DENND5B: variants seen among roughly 807,000 people sequenced by gnomAD.
DENND5B encodes DENN domain-containing protein 5B.
Under a neutral mutation model 140.6 loss-of-function variants are expected in DENND5B, and 34 were observed. The observed-to-expected ratio is 0.24, with a 90% CI of 0.18 to 0.32. The LOEUF is 0.32. Among genes scored for constraint, DENND5B ranks in the 10% least tolerant of loss-of-function variants. The pLI is 1.00. For synonymous variants in DENND5B, 551 were observed against 562.1 expected (o/e 0.98, Z 0.28); for missense variants, 1,142 against 1,560.2 (o/e 0.73, Z 4.52).
chr12:31,566,502 C>G (rs890932830), intron 1 of DENND5B, among the ~76,000 whole-genome samples: 1 of 151,768 alleles, frequency 6.6e-6, no homozygotes. Context: ...GGCCCAGTAG[C>G]TCATGCCTAT....
intron 1 of DENND5B, among the ~76,000 whole-genome samples, chr12:31,579,886 A>AG (rs1950160458): frequency 4.0e-5 from 6 of 151,870 alleles, no homozygotes; most frequent in African/African-American, 7.2e-5. Flanking sequence ...AGGACCTTAC[A>AG]TGGTGCCATC....
At chr12:31,402,413 C>T (rs953165857) in intron 15 of DENND5B, 85 bp downstream of exon 15, 6 of 1,469,402 alleles carry the variant, frequency 4.1e-6, no homozygotes, top group Non-Finnish European at 3.6e-6. Context: ...TTATTTGATT[C>T]AAGGAAAAAT....
chr12:31,586,231 T>C (rs1000398585), intron 1 of DENND5B, among the ~76,000 whole-genome samples: 5 of 152,200 alleles, frequency 3.3e-5, no homozygotes, highest in African/African-American at 1.2e-4. Flanking sequence ...AATTGCATGA[T>C]TTACCTCCAT....
chr12:31,416,688 A>G (rs577159627), intron 11 of DENND5B, among the ~76,000 whole-genome samples: 84 of 150,702 alleles, frequency 5.6e-4, no homozygotes, highest in African/African-American at 1.8e-3. Context: ...ACACAATTAA[A>G]CTCTTGAGTG....
intron 1 of DENND5B, among the ~76,000 whole-genome samples, chr12:31,497,906 TAGGGGC>T (rs1281869763): frequency 1.0e-4 from 1 of 9,554 alleles, no homozygotes; most frequent in Non-Finnish European, 1.8e-4. Context: ...AGGGGAGGGG[TAGGGGC>T]AGGGGCAGGG....
intron 1 of DENND5B, among the ~76,000 whole-genome samples, chr12:31,565,775 G>C (rs2139359511): frequency 6.6e-6 from 1 of 152,214 alleles, no homozygotes; most frequent in Non-Finnish European, 1.5e-5. Context: ...TGCAAACTTA[G>C]GTAATTCATT....
chr12:31,570,588 T>TA (rs59970924), intron 1 of DENND5B, among the ~76,000 whole-genome samples: 8,254 of 140,680 alleles, frequency 0.059, 775 homozygotes, highest in African/African-American at 0.2. Flanking sequence ...AAATTCTCTT[T>TA]AAAAAAAAAA....
intron 1 of DENND5B, among the ~76,000 whole-genome samples, chr12:31,589,173 T>C (rs1950510588): frequency 6.6e-6 from 1 of 152,180 alleles, no homozygotes; most frequent in Non-Finnish European, 1.5e-5. Context: ...GTGCCACAAA[T>C]GTTTAGGATC....
chr12:31,451,384 C>A (rs774418662), intron 5 of DENND5B, among the ~76,000 whole-genome samples: 2 of 151,994 alleles, frequency 1.3e-5, no homozygotes, highest in Non-Finnish European at 2.9e-5. Flanking sequence ...AGTACAGTGG[C>A]GCTATCTTGG....
At chr12:31,525,425 A>G (rs927739890) in intron 1 of DENND5B, among the ~76,000 whole-genome samples, 5 of 152,250 alleles carry the variant, frequency 3.3e-5, no homozygotes, top group Non-Finnish European at 7.3e-5. Context: ...GAAAGATGTC[A>G]GACACATACT....
intron 3 of DENND5B, among the ~76,000 whole-genome samples, chr12:31,476,560 T>C (rs1945821313): frequency 6.6e-6 from 1 of 151,638 alleles, no homozygotes; most frequent in Non-Finnish European, 1.5e-5. Context: ...AACTCGCCCA[T>C]GGGTATAGTT....
chr12:31,407,516 G>A (rs1942194574), intron 14 of DENND5B, among the ~76,000 whole-genome samples: 1 of 152,176 alleles, frequency 6.6e-6, no homozygotes, highest in African/African-American at 2.4e-5. Flanking sequence ...ATTACAGGAT[G>A]GCCTAATCCC....
intron 2 of DENND5B, among the ~76,000 whole-genome samples, chr12:31,494,179 T>TCCACCCAC (rs1212940801): frequency 1.8e-5 from 1 of 56,392 alleles, no homozygotes; most frequent in African/African-American, 7.5e-5. Context: ...TATCTATCTA[T>TCCACCCAC]CTATCCATCC....
intron 1 of DENND5B, among the ~76,000 whole-genome samples, chr12:31,558,819 T>C (rs2139311419): frequency 6.6e-6 from 1 of 152,332 alleles, no homozygotes; most frequent in Non-Finnish European, 1.5e-5. Context: ...GCATTTGAAA[T>C]TCTGTGGTTC....
In DENND5B at chr12:31,590,791, G is replaced by GGAGCCC. The variant is rs1369366667; in HGVS notation, c.36_41dup (p.Gly13_Ser14dup). 1.2e-5 allele frequency: 17 copies of GGAGCCC among 1,360,506 alleles called. No homozygotes were observed. Among genetic ancestry groups the GGAGCCC allele is most frequent in the Middle Eastern group, 2.7e-4 (1 of 3,708 alleles). The allele number at this position is 1,360,506 out of a possible 1,614,324, so 84.3% of individuals were successfully genotyped here. On this transcript the variant is annotated inframe_insertion, in exon 1 of 21. Coordinates refer to ENST00000389082, the MANE Select transcript of DENND5B (RefSeq NM_144973.4). ...GCGCGAAGCGGCAGGCGGCCGGGGA[G>GGAGCCC]GAGCCCGAGCCCGGGCCGGGCGCCG... is the stretch of plus-strand genomic sequence containing the variant.
intron 1 of DENND5B, among the ~76,000 whole-genome samples, chr12:31,589,599 A>G (rs182794595): frequency 6.8e-6 from 1 of 146,414 alleles, no homozygotes; most frequent in Non-Finnish European, 1.5e-5. Context: ...CAGTCTCCCC[A>G]CCCCCACCAA....
In DENND5B at chr12:31,386,884, AG is replaced by A. The variant is rs1333780988; in HGVS notation, c.*718del. On this transcript the variant is annotated 3_prime_UTR_variant, in exon 21 of 21. Transcript: ENST00000389082. ...CTAGGCTAATCTTTCCGAAGTGTAA[AG>A]AAGTTATAATCCCACAATTGAACAC... 6.6e-6 allele frequency: 1 copy of A among 152,176 alleles called. No homozygotes were observed. Among genetic ancestry groups the A allele is most frequent in the East Asian group, 1.9e-4 (1 of 5,202 alleles). The allele number at this position is 152,176 out of a possible 1,614,324, so 9.4% of individuals were successfully genotyped here.
intron 3 of DENND5B, among the ~76,000 whole-genome samples, chr12:31,475,187 A>C (rs1360848523): frequency 6.6e-6 from 1 of 152,068 alleles, no homozygotes; most frequent in African/African-American, 2.4e-5. Context: ...CAAAATATAC[A>C]ATGCCTTTTT....
intron 14 of DENND5B, among the ~76,000 whole-genome samples, chr12:31,409,024 C>T (rs1593087371): frequency 1.3e-5 from 2 of 152,230 alleles, no homozygotes; most frequent in East Asian, 3.8e-4. Context: ...CTGGAACTGA[C>T]AGAAGGTATC....
Sources: gnomAD v4.1 joint callset for allele counts (sites outside exome capture counted in the v4.1 genomes callset) on GRCh38, gnomAD v4.1.1 for gene constraint, MANE v1.5 for transcripts, NCBI Gene and HGNC (gene_info 2026-07-23, HGNC 2026-07-21) for gene names.